Variants in ELAC2 observed in about 807,000 individuals in gnomAD.
ELAC2 encodes zinc phosphodiesterase ELAC protein 2.
A neutral mutation model predicts 105.2 loss-of-function variants in ELAC2; 92 were observed. That is an observed-to-expected ratio of 0.87 (90% confidence interval 0.74 to 1.04). The LOEUF is 1.04. Among genes scored for constraint, ELAC2 ranks in the 50% least tolerant of loss-of-function variants. ELAC2 has a pLI of 0.00. For missense variants in ELAC2, 1,099 were observed against 1,071.7 expected, an observed-to-expected ratio of 1.03 and a Z score of -0.36; for synonymous variants, 468 against 409.1, an observed-to-expected ratio of 1.14 and a Z score of -1.74.
chr17:13,005,678 C>T, intron 10 of ELAC2, 75 bp downstream of exon 10: 1 of 1,505,390 alleles, frequency 6.6e-7, no homozygotes, highest in South Asian at 1.1e-5. Flanking sequence ...TCTGTAGGGC[C>T]TGAAGAAGAC....
chr17:12,994,849 C>G lies in ELAC2; in HGVS notation c.1944G>C (p.Ala648=), dbSNP rs1555572147. 1.9e-6 allele frequency: 3 copies of G among 1,614,082 alleles called. No homozygotes were observed. Among genetic ancestry groups the G allele is most frequent in the Non-Finnish European group, 2.5e-6 (3 of 1,180,028 alleles). ...AGGTGTGCACCAGCGCACAGCCAAA[C>G]GCATGCTTGCAGTGCCGCACCAGAC... is the stretch of plus-strand genomic sequence containing the variant. ...QTCLVRHCKH[A]FGCALVHTSG... is the part of the protein sequence containing the mutation. The change falls in exon 21 of 24, where the codon GCG becomes GCC. Residue 648 remains alanine, a synonymous_variant. Coordinates refer to ENST00000338034, the MANE Select transcript of ELAC2 (RefSeq NM_018127.7).
At position 12,996,666 on chromosome 17, in the gene ELAC2, G is replaced by C. The variant is rs369334584; in HGVS notation, c.1540C>G (p.Leu514Val). The change falls in exon 17 of 24, where the codon CTG becomes GTG. Residue 514 changes from leucine to valine, a missense_variant. By Grantham distance (32) the Leu-to-Val change is conservative. Coordinates refer to ENST00000338034, the MANE Select transcript of ELAC2 (RefSeq NM_018127.7). ...CCAAATGTGCCCTCACCACAGTCCA[G>C]TAGCAGAGACGTGTCGGGGCTGCAG... ...VNISPDTSLL[L>V]DCGEGTFGQL... 3 of 1,613,724 alleles carry C rather than the reference G, an allele frequency of 1.9e-6. No homozygotes were observed. The African/African-American group carries it at 4.0e-5, about 22-fold the overall frequency.
At chr17:13,009,222 T>C (rs2041273927) in intron 8 of ELAC2, among the ~76,000 whole-genome samples, 1 of 151,712 alleles carries the variant, frequency 6.6e-6, no homozygotes. Context: ...CTGGCAATGA[T>C]CTTGCCACTA....
At chr17:13,009,805 A>G (rs75867529) in intron 8 of ELAC2, among the ~76,000 whole-genome samples, 41,703 of 151,892 alleles carry the variant, frequency 0.27, 5,860 homozygotes, top group Middle Eastern at 0.33. Context: ...CCTGGCCAAC[A>G]TGGTGAAACC....
intron 6 of ELAC2, 140 bp downstream of exon 6, chr17:13,013,067 A>G: frequency 1.1e-6 from 1 of 931,420 alleles, no homozygotes; most frequent in South Asian, 1.4e-5. Flanking sequence ...CCATATCTTC[A>G]TTCCTCAACT....
At chr17:13,002,188 C>A (rs1324308380) in intron 14 of ELAC2, 86 bp downstream of exon 14, 7 of 1,434,462 alleles carry the variant, frequency 4.9e-6, no homozygotes, top group Non-Finnish European at 5.8e-6. Context: ...TCTGGAGAGC[C>A]TCCTGGAACA....
rs746892738 is a variant in ELAC2, at chr17:13,005,835, A to C, written c.798-10T>G. 1.2e-6 allele frequency: 2 copies of C among 1,614,198 alleles called. No homozygotes were observed. Among genetic ancestry groups the C allele is most frequent in the South Asian group, 2.2e-5 (2 of 91,086 alleles). The stretch of plus-strand genomic sequence containing the variant: ...GATGGCAGCTGTCCCACTGAAATGA[A>C]GAGGCAAGGCCTCTGTGAAATGTGA... On this transcript the variant is annotated splice_polypyrimidine_tract_variant and intron_variant, in intron 9 of 23. Coordinates refer to ENST00000338034, the MANE Select transcript of ELAC2 (RefSeq NM_018127.7).
chr17:12,994,136 C>T (rs1220299578), intron 22 of ELAC2, among the ~76,000 whole-genome samples: 1 of 152,190 alleles, frequency 6.6e-6, no homozygotes, highest in Non-Finnish European at 1.5e-5. Flanking sequence ...AATTCAGTCC[C>T]CCAGCCCCCG....
rs770617287 is a variant in ELAC2, at chr17:12,995,789, G to A, written c.1722C>T (p.His574=). 10 of 1,612,166 alleles carry A rather than the reference G, an allele frequency of 6.2e-6. No individual in the cohort carries two copies. In the East Asian group the frequency reaches 6.7e-5, roughly 11 times the overall value. Residue 574 remains histidine (H), a synonymous_variant, in exon 19 of 24, where the codon CAC becomes CAT. Coordinates refer to ENST00000338034, the MANE Select transcript of ELAC2 (RefSeq NM_018127.7). Reference sequence around the variant, plus strand: ...GGTTGGGGGCAACCACCAGCAAAGGGTGAAGCGGCTTTCCCAAAGATGCCT... The same window carrying A: ...GGTTGGGGGCAACCACCAGCAAAGGATGAAGCGGCTTTCCCAAAGATGCCT... ...RALASLGKPL[H]PLLVVAPNQL...
intron 7 of ELAC2, 34 bp downstream of exon 7, chr17:13,011,629 C>G (rs766726811): frequency 3.5e-5 from 56 of 1,614,004 alleles, no homozygotes; most frequent in Non-Finnish European, 4.3e-5. Flanking sequence ...AAAACGCAAG[C>G]CTTTCTGCTG....
chr17:12,995,837 A>C (rs1472208705), intron 18 of ELAC2, 25 bp from the exon 19 acceptor site: 5 of 1,595,550 alleles, frequency 3.1e-6, no homozygotes, highest in Non-Finnish European at 4.3e-6. Context: ...GCAAGTGCCG[A>C]CTCGACGACA....
rs999259147 is a variant in ELAC2 at position 13,005,047 on chromosome 17, C to T, written c.925G>A (p.Val309Ile). Residue 309 changes from valine (V) to isoleucine (I), a missense_variant, in exon 11 of 24, where the codon GTA becomes ATA. Val to Ile is a conservative substitution (Grantham distance 29, BLOSUM62 3). Transcript: ENST00000338034. ...ATGAAGCTTTCATCTGGACATTCTA[C>T]CACCACAAAAGCAGCACCAGGATCT... ...PPDPGAAFVV[V>I]ECPDESFIQP... The T allele has an allele frequency of 1.9e-6, 3 of 1,614,180 alleles. No homozygotes were observed. The highest frequency in any genetic ancestry group is 2.2e-5 in the East Asian group (1 of 44,882).
chr17:13,009,990 C>CAAAAAA lies in ELAC2; in HGVS notation c.738+617_738+622dup, dbSNP rs1157775345. ...TAGGCGATGGAGACAGACATGGTCTCAAAAAAAAAAAAAAAAAATGTACGG... is the reference window on the plus strand; with the variant it reads ...TAGGCGATGGAGACAGACATGGTCTCAAAAAAAAAAAAAAAAAAAAAAAATGTACGG... On this transcript the variant is annotated intron_variant, in intron 8 of 23. Transcript: ENST00000338034. Among the ~76,000 whole-genome samples, 102 of 76,132 alleles carry CAAAAAA rather than the reference C, an allele frequency of 1.3e-3. 6 individuals are homozygous for CAAAAAA. Among genetic ancestry groups the CAAAAAA allele is most frequent in the Non-Finnish European group, 1.5e-3 (60 of 39,996 alleles). 49.9% of individuals were successfully genotyped at this position (76,132 alleles called of 152,430 possible). A position where few individuals can be genotyped will look rare whatever the true frequency, so the allele number is the denominator to read the frequency against.
At chr17:12,993,666 C>T (rs1777245220) in intron 23 of ELAC2, 21 bp downstream of exon 23, 1 of 1,614,076 alleles carries the variant, frequency 6.2e-7, no homozygotes, top group Non-Finnish European at 8.5e-7. Context: ...CCGCCCTGTG[C>T]TGTCCGTGTG....
Position 13,001,320 on chromosome 17 carries a change from G to A in ELAC2, c.1304+954C>T, listed in dbSNP as rs533909140. Among the ~76,000 whole-genome samples the A allele has an allele frequency of 5.9e-5, 9 of 152,092 alleles. No individual in the cohort carries two copies. In the South Asian group the frequency reaches 1.2e-3, roughly 21 times the overall value. ...CCAGCCTGCCAACATGGTGAAACCC[G>A]TCTCTGCTAAAATTACAAAAAATTA... On this transcript the variant is annotated intron_variant, in intron 14 of 23. Transcript: ENST00000338034.
intron 1 of ELAC2, 158 bp downstream of exon 1, chr17:13,017,545 G>T (rs1439574422): frequency 7.4e-7 from 1 of 1,358,584 alleles, no homozygotes; most frequent in Non-Finnish European, 9.9e-7. Flanking sequence ...TGGATGCAAA[G>T]AATCTCGGAT....
At position 13,002,313 on chromosome 17, in the gene ELAC2, A is replaced by C. The variant is rs1393765717; in HGVS notation, c.1265T>G (p.Leu422Arg). 1.2e-6 allele frequency: 2 copies of C among 1,614,166 alleles called. No individual in the cohort carries two copies. Among genetic ancestry groups the C allele is most frequent in the Non-Finnish European group, 8.5e-7 (1 of 1,180,028 alleles). The change falls in exon 14 of 24, where the codon CTC (leucine) becomes CGC (arginine). Residue 422 changes from leucine to arginine, a missense_variant. Transcript: ENST00000338034. ...LSVPMVQGEC[L>R]LKYQLRPRRE... ...CCTGGGACGGAGCTGGTACTTGAGG[A>C]GGCATTCACCCTGAACCATGGGCAC...
rs766783415 is a variant in ELAC2, at chr17:13,013,270, G to C, written c.496C>G (p.Arg166Gly). 8.7e-6 allele frequency: 14 copies of C among 1,613,854 alleles called. No homozygotes were observed. Among genetic ancestry groups the C allele is most frequent in the African/African-American group, 2.7e-5 (2 of 74,894 alleles). ...GPLKGIELAV[R>G]PHSAPEYEDE... Reference sequence around the variant, plus strand: ...TCGTATTCTGGGGCAGAGTGGGGCCGCACAGCTACAAGAAAACCACACAAC... The same window carrying C: ...TCGTATTCTGGGGCAGAGTGGGGCCCCACAGCTACAAGAAAACCACACAAC... Residue 166 changes from arginine (R) to glycine (G), a missense_variant, in exon 6 of 24, where the codon CGG (arginine) becomes GGG (glycine). Physicochemically the swap from Arg to Gly is moderately radical, Grantham distance 125. Coordinates refer to ENST00000338034, the MANE Select transcript of ELAC2 (RefSeq NM_018127.7).
chr17:13,006,626 T>C (rs1203736264), intron 8 of ELAC2: 1 of 155,782 alleles, frequency 6.4e-6, no homozygotes, highest in South Asian at 1.9e-4. Context: ...TCTGTCATTC[T>C]ACATTCCTCA....
Sources: allele counts gnomAD v4.1 joint callset (sites outside exome capture counted in the v4.1 genomes callset), GRCh38; gene constraint gnomAD v4.1.1; transcripts MANE v1.5; gene names NCBI Gene and HGNC (gene_info 2026-07-23, HGNC 2026-07-21).